Variants in ZNF331 observed in about 807,000 individuals in gnomAD.
ZNF331 encodes zinc finger protein 331, also known as C2H2-like zinc finger protein rearranged in thyroid adenomas.
In ZNF331, 2 loss-of-function variants were observed where a neutral mutation model predicts 7.0. That is an observed-to-expected ratio of 0.29 (90% CI 0.12 to 0.90). The LOEUF (loss-of-function observed/expected upper bound fraction) is 0.90, where lower values mean the gene tolerates loss of function less well. Among genes scored for constraint, ZNF331 ranks in the 40% least tolerant of loss-of-function variants. ZNF331 has a pLI of 0.58. For missense variants in ZNF331, 432 were observed against 587.7 expected (o/e 0.74, Z 2.74); for synonymous variants, 196 against 205.4 (o/e 0.95, Z 0.39).
chr19:53,547,461 G>T (rs1252840841), intron 2 of ZNF331, among the ~76,000 whole-genome samples: 10 of 152,212 alleles, frequency 6.6e-5, no homozygotes, highest in African/African-American at 2.2e-4. Context: ...TCCTTATCTT[G>T]GCTACTGTGA....
chr19:53,518,424 G>A (rs1475843939), upstream of ZNF331, among the ~76,000 whole-genome samples: 1 of 152,128 alleles, frequency 6.6e-6, no homozygotes, highest in Non-Finnish European at 1.5e-5. Flanking sequence ...GGCCTATCAT[G>A]GGACTGGGCC....
the ZNF331 span, among the ~76,000 whole-genome samples, chr19:53,513,651 CGTT>C: frequency 4.2e-5 from 5 of 118,948 alleles, no homozygotes; most frequent in African/African-American, 1.5e-4. Flanking sequence ...TACTTTTTTT[CGTT>C]GTTGTTGTTG....
the ZNF331 span, chr19:53,503,326 T>C: frequency 5.3e-6 from 2 of 380,818 alleles, no homozygotes; most frequent in Non-Finnish European, 1.0e-5. Context: ...ATGTCGCTCA[T>C]GCATCACGTT....
upstream of ZNF331, among the ~76,000 whole-genome samples, chr19:53,535,206 CT>C (rs1258311914): frequency 6.6e-6 from 1 of 151,350 alleles, no homozygotes; most frequent in African/African-American, 2.4e-5. Flanking sequence ...AGAGATCTGC[CT>C]CAGCCTCCTG....
At position 53,577,045 on chromosome 19, in the gene ZNF331, A is replaced by G; in HGVS notation, c.485A>G (p.Lys162Arg). 1 of 1,613,672 alleles carries G rather than the reference A, an allele frequency of 6.2e-7. No homozygotes were observed. The highest frequency in any genetic ancestry group is 1.1e-5 in the South Asian group (1 of 91,068). The change falls in exon 6 of 6, where the codon AAA becomes AGA. Residue 162 changes from lysine to arginine, a missense_variant. By Grantham distance (26) the Lys-to-Arg change is conservative. Around this residue, in one of 3 missense-constraint regions of ZNF331, gnomAD observed 312 missense variants for 448.6 expected, o/e 0.70. Coordinates refer to ENST00000449416, the MANE Select transcript of ZNF331 (RefSeq NM_001079906.2). ...ACTGGTGAGAAACCTTATGAATGTA[A>G]AGAATGTAAGAAGGCCTTCCGTTGG... ...IHTGEKPYEC[K>R]ECKKAFRWGN...
chr19:53,525,668 T>G (rs2087266479), intron 2 of ZNF331, among the ~76,000 whole-genome samples: 1 of 152,300 alleles, frequency 6.6e-6, no homozygotes, highest in East Asian at 1.9e-4. Flanking sequence ...CTGAATTCAT[T>G]TATTATTTCT....
intron 2 of ZNF331, among the ~76,000 whole-genome samples, chr19:53,531,487 C>T (rs1297505222): frequency 1.6e-4 from 24 of 152,124 alleles, no homozygotes; most frequent in Admixed American, 1.4e-3. Flanking sequence ...AACATTAGTG[C>T]GTGATATTAG....
chr19:53,523,383 T>TA (rs1017398096), intron 2 of ZNF331: 1 of 151,904 alleles, frequency 6.6e-6, no homozygotes, highest in African/African-American at 2.4e-5. Context: ...CATGCCTGGC[T>TA]AATTTTTGTA....
chr19:53,514,797 C>T (rs78028409), upstream of ZNF331, among the ~76,000 whole-genome samples: 10,181 of 151,794 alleles, frequency 0.067, 407 homozygotes, highest in South Asian at 0.12. Context: ...ACTACAGAAG[C>T]CCGCCACCAC....
At chr19:53,543,138 G>T (rs1336975514) in intron 2 of ZNF331, among the ~76,000 whole-genome samples, 2 of 151,744 alleles carry the variant, frequency 1.3e-5, no homozygotes, top group African/African-American at 4.8e-5. Context: ...AAAAAAGGAG[G>T]GGGCCAGGCA....
In ZNF331 at chr19:53,558,159, C is replaced by G. The variant is rs1012374382; in HGVS notation, c.-74+2251C>G. ...GCCTCTGGGACATCTTGCCAACCCT[C>G]TACAGGTTGGGGTTCTTATACTCTT... On this transcript the variant is annotated intron_variant, in intron 3 of 5. Transcript: ENST00000449416. This position sits in a 1 kb window ranked among gnomAD's most constrained non-coding sequence, Gnocchi z 4.5. Among the ~76,000 whole-genome samples, 16 of 152,276 alleles carry G rather than the reference C, an allele frequency of 1.1e-4. No homozygotes were observed. The South Asian group carries it at 2.3e-3, about 22-fold the overall frequency.
intron 2 of ZNF331, among the ~76,000 whole-genome samples, chr19:53,526,799 A>G: frequency 6.7e-6 from 1 of 148,918 alleles, no homozygotes; most frequent in Non-Finnish European, 1.5e-5. Flanking sequence ...TGATCCGCCC[A>G]CCTCGGCCTC....
chr19:53,571,921 T>C lies in ZNF331; in HGVS notation c.136+191T>C, dbSNP rs1024441421. 3.9e-5 allele frequency among the ~76,000 whole-genome samples: 6 copies of C among 152,130 alleles called. No homozygotes were observed. Among genetic ancestry groups the C allele is most frequent in the African/African-American group, 1.2e-4 (5 of 41,390 alleles). Reference sequence around the variant, plus strand: ...CCATCCATCGGTTACCTTCCCACCTTTGTCGACTCCCCCGTAATCATCTCA... The same window carrying C: ...CCATCCATCGGTTACCTTCCCACCTCTGTCGACTCCCCCGTAATCATCTCA... On this transcript the variant is annotated intron_variant, in intron 5 of 5. Coordinates refer to ENST00000449416, the MANE Select transcript of ZNF331 (RefSeq NM_001079906.2). The surrounding 1 kb of genome is among the most constrained non-coding windows in gnomAD (Gnocchi z 4.7).
At chr19:53,559,058 A>G (rs1035862559) in intron 3 of ZNF331, among the ~76,000 whole-genome samples, 1 of 150,328 alleles carries the variant, frequency 6.7e-6, no homozygotes, top group African/African-American at 2.5e-5. Flanking sequence ...TACATATACA[A>G]ACACACCCCG....
At chr19:53,567,861 T>C (rs527469054) in intron 3 of ZNF331, among the ~76,000 whole-genome samples, 1 of 149,358 alleles carries the variant, frequency 6.7e-6, no homozygotes, top group East Asian at 2.0e-4. Context: ...AACAAAAAAC[T>C]ATTCACTAAA....
intron 2 of ZNF331, among the ~76,000 whole-genome samples, chr19:53,529,684 A>C (rs1004828209): frequency 1.4e-5 from 2 of 141,842 alleles, no homozygotes; most frequent in African/African-American, 5.7e-5. Flanking sequence ...TTTGAAAACC[A>C]GTATTTTGAG....
chr19:53,514,458 C>T, the ZNF331 span, among the ~76,000 whole-genome samples: 1 of 152,026 alleles, frequency 6.6e-6, no homozygotes, highest in East Asian at 1.9e-4. Context: ...GCCTTGGCCT[C>T]CCGAAGTACT....
chr19:53,572,331 A>G (rs927248739), intron 5 of ZNF331, among the ~76,000 whole-genome samples: 4 of 151,930 alleles, frequency 2.6e-5, no homozygotes, highest in Non-Finnish European at 4.4e-5. Context: ...AATAACAACA[A>G]TGATATTAAT....
At chr19:53,505,419 G>A in the ZNF331 span, among the ~76,000 whole-genome samples, 2 of 152,030 alleles carry the variant, frequency 1.3e-5, no homozygotes, top group Non-Finnish European at 1.5e-5. Context: ...GGCTGGTCTC[G>A]AGCTCCTGGG....
Sources: allele counts gnomAD v4.1 joint callset (sites outside exome capture counted in the v4.1 genomes callset), GRCh38; gene constraint gnomAD v4.1.1; regional missense constraint gnomAD v4.1.1; non-coding constraint Gnocchi (gnomAD v3.1); transcripts MANE v1.5; gene names NCBI Gene and HGNC (gene_info 2026-07-23, HGNC 2026-07-21).